DYSF: variants seen among roughly 807,000 people sequenced by gnomAD.
DYSF encodes dysferlin, also known as dystrophy-associated fer-1-like 1.
A neutral mutation model predicts 274.9 loss-of-function variants in DYSF; 212 were observed. The ratio of observed to expected loss-of-function variants is 0.77; its 90% CI spans 0.69 to 0.86. The LOEUF (loss-of-function observed/expected upper bound fraction) is 0.86, where lower values mean the gene tolerates loss of function less well. Ranked by LOEUF, DYSF falls within the 40% of genes least tolerant of loss-of-function variation. The pLI, the probability that DYSF is intolerant of heterozygous loss-of-function variation, is 0.00. For missense variants in DYSF, 2,666 were observed against 2,783.2 expected (o/e 0.96, Z 0.95); for synonymous variants, 1,091 against 1,078.7 (o/e 1.01, Z -0.22).
chr2:71,482,440 C>T (rs911925988), intron 3 of DYSF, among the ~76,000 whole-genome samples: 4 of 152,052 alleles, frequency 2.6e-5, no homozygotes, highest in Non-Finnish European at 5.9e-5. Flanking sequence ...GGTTAAGATT[C>T]GTGGTTTAGA....
chr2:71,470,530 CG>C (rs2081929226), intron 1 of DYSF, among the ~76,000 whole-genome samples: 2 of 151,410 alleles, frequency 1.3e-5, no homozygotes, highest in African/African-American at 2.4e-5. Context: ...AAAAATTAGC[CG>C]GGTGTGGTGG....
At chr2:71,483,745 C>T (rs1258834154) in intron 3 of DYSF, among the ~76,000 whole-genome samples, 11 of 152,154 alleles carry the variant, frequency 7.2e-5, no homozygotes, top group Non-Finnish European at 1.3e-4. Context: ...GAAACTGAGG[C>T]TCTGAGAGAT....
At chr2:71,520,999 T>C (rs1256271042) in intron 12 of DYSF, 95 bp downstream of exon 12, 27 of 971,078 alleles carry the variant, frequency 2.8e-5, no homozygotes, top group Non-Finnish European at 4.0e-5. Flanking sequence ...TTTTTTTTTC[T>C]GATTTAAACT....
intron 41 of DYSF, among the ~76,000 whole-genome samples, chr2:71,621,327 T>TG (rs914153730): frequency 7.9e-5 from 12 of 152,100 alleles, no homozygotes; most frequent in Non-Finnish European, 1.5e-4. Flanking sequence ...ACTGTTGTAC[T>TG]GGGGGTCTCA....
intron 32 of DYSF, among the ~76,000 whole-genome samples, chr2:71,596,888 A>G (rs1445840264): frequency 6.6e-6 from 1 of 152,054 alleles, no homozygotes; most frequent in East Asian, 1.9e-4. Context: ...CTTAACTTAG[A>G]TACCTCCTGC....
intron 40 of DYSF, among the ~76,000 whole-genome samples, chr2:71,618,621 TGG>T (rs2094006370): frequency 2.3e-5 from 1 of 44,418 alleles, no homozygotes; most frequent in Non-Finnish European, 5.5e-5. Flanking sequence ...GTGGTAGAGG[TGG>T]TGTGTGTGTT....
intron 49 of DYSF, 48 bp downstream of exon 49, chr2:71,668,890 G>T (rs370025846): frequency 6.3e-7 from 1 of 1,574,828 alleles, no homozygotes; most frequent in Non-Finnish European, 8.7e-7. Context: ...GGGTGGGGGC[G>T]TTGCAGCCTG....
intron 42 of DYSF, among the ~76,000 whole-genome samples, chr2:71,649,579 G>A (rs932733965): frequency 6.6e-6 from 1 of 151,930 alleles, no homozygotes; most frequent in African/African-American, 2.4e-5. Flanking sequence ...ATATATAAAT[G>A]TATATAAATA....
intron 41 of DYSF, among the ~76,000 whole-genome samples, chr2:71,636,294 G>A (rs1272929965): frequency 1.3e-5 from 2 of 152,194 alleles, no homozygotes; most frequent in African/African-American, 4.8e-5. Context: ...ACGGATTCAG[G>A]GAGCAGGACG....
intron 51 of DYSF, among the ~76,000 whole-genome samples, chr2:71,671,032 C>T (rs1050836389): frequency 2.6e-5 from 4 of 152,170 alleles, no homozygotes; most frequent in African/African-American, 7.2e-5. Flanking sequence ...ATATATGACG[C>T]GTTCCAGTGC....
Position 71,553,027 on chromosome 2 carries a change from G to A in DYSF, c.1823G>A (p.Arg608His), listed in dbSNP as rs371210248. The change falls in exon 20 of 56, where the codon CGC becomes CAC. Residue 608 changes from arginine (R) to histidine (H), a missense_variant. Arg to His is a conservative substitution (Grantham distance 29, BLOSUM62 0). This residue lies in a region of DYSF where 412 missense variants were observed against 504.0 expected (regional missense o/e 0.82). Coordinates refer to ENST00000410020, the MANE Select transcript of DYSF (RefSeq NM_001130987.2). ...ILRVEKYLRR[R>H]KYSLFAAFYS... ...TGCTCTCAGAAGTACCTTAGGAGGC[G>A]CAAGTACTCCCTGTTTGCGGCCTTC... The A allele has an allele frequency of 1.2e-5, 20 of 1,614,032 alleles. No individual in the cohort carries two copies. The highest frequency in any genetic ancestry group is 2.2e-5 in the East Asian group (1 of 44,892).
intron 23 of DYSF, among the ~76,000 whole-genome samples, chr2:71,563,670 G>A (rs2091915947): frequency 6.6e-6 from 1 of 152,172 alleles, no homozygotes; most frequent in Admixed American, 6.5e-5. Flanking sequence ...TAGGCGTAAT[G>A]TTACCTCCCT....
intron 29 of DYSF, among the ~76,000 whole-genome samples, chr2:71,573,720 TG>T (rs1416875039): frequency 6.6e-6 from 1 of 152,216 alleles, no homozygotes; most frequent in Non-Finnish European, 1.5e-5. Flanking sequence ...AAAAGCCCAG[TG>T]TTTTCGTCAC....
chr2:71,594,918 A>ACT (rs1214598089), intron 32 of DYSF, among the ~76,000 whole-genome samples: 1 of 152,040 alleles, frequency 6.6e-6, no homozygotes, highest in African/African-American at 2.4e-5. Context: ...CAGTAGTCAC[A>ACT]CTCTTAAGAG....
chr2:71,470,000 C>A (rs1008425835), intron 1 of DYSF, among the ~76,000 whole-genome samples: 5 of 152,174 alleles, frequency 3.3e-5, no homozygotes, highest in Non-Finnish European at 5.9e-5. Context: ...TGCTTGGATG[C>A]ATACAAGAAC....
intron 3 of DYSF, among the ~76,000 whole-genome samples, chr2:71,492,762 A>G (rs1232290875): frequency 1.7e-5 from 2 of 118,628 alleles, no homozygotes; most frequent in African/African-American, 6.6e-5. Context: ...TCTTACTCCT[A>G]TTTGAAGGTA....
At chr2:71,482,486 C>T (rs979137518) in intron 3 of DYSF, among the ~76,000 whole-genome samples, 3 of 151,866 alleles carry the variant, frequency 2.0e-5, no homozygotes, top group Admixed American at 2.0e-4. Context: ...CCGGCCTGGG[C>T]GCTTCCCTGT....
chr2:71,551,507 G>T, intron 18 of DYSF, 100 bp from the exon 19 acceptor site: 1 of 1,012,000 alleles, frequency 9.9e-7, no homozygotes, highest in Non-Finnish European at 1.5e-6. Context: ...GACCTCCTGG[G>T]TGCCTGAGAG....
intron 41 of DYSF, among the ~76,000 whole-genome samples, chr2:71,639,875 G>C (rs904307126): frequency 6.6e-6 from 1 of 152,176 alleles, no homozygotes; most frequent in African/African-American, 2.4e-5. Context: ...TGGCCAAGAA[G>C]CTAACCAGGT....
Sources: allele counts gnomAD v4.1 joint callset (sites outside exome capture counted in the v4.1 genomes callset), GRCh38; gene constraint gnomAD v4.1.1; regional missense constraint gnomAD v4.1.1; transcripts MANE v1.5; gene names NCBI Gene and HGNC (gene_info 2026-07-23, HGNC 2026-07-21).